ARSB: variants seen among roughly 807,000 people sequenced by gnomAD.
ARSB encodes the protein arylsulfatase B.
ARSB carries 41 observed loss-of-function variants against 50.9 expected under a neutral mutation model. The observed-to-expected ratio is 0.81, with a 90% CI of 0.63 to 1.04. The LOEUF (loss-of-function observed/expected upper bound fraction) is 1.04, where lower values mean the gene tolerates loss of function less well. ARSB is among the 50% of genes least tolerant of loss of function. The pLI is 0.00. For missense variants in ARSB, 672 were observed against 693.3 expected (o/e 0.97, Z 0.35); for synonymous variants, 269 against 284.8 (o/e 0.94, Z 0.56).
chr5:78,939,597 A>G (rs1750800576), intron 4 of ARSB, among the ~76,000 whole-genome samples: 1 of 152,162 alleles, frequency 6.6e-6, no homozygotes, highest in South Asian at 2.1e-4. Flanking sequence ...CCGTGTCCCT[A>G]TAAAGGACAT....
At chr5:78,867,224 G>A (rs1261095280) in intron 5 of ARSB, among the ~76,000 whole-genome samples, 16 of 152,304 alleles carry the variant, frequency 1.1e-4, no homozygotes, top group African/African-American at 2.4e-4. Context: ...ACTGCAAGGC[G>A]GCAGCGAGGC....
At chr5:78,858,032 A>G (rs1746239022) in intron 5 of ARSB, among the ~76,000 whole-genome samples, 1 of 152,170 alleles carries the variant, frequency 6.6e-6, no homozygotes, top group South Asian at 2.1e-4. Context: ...TGACTTACAC[A>G]ATCATGTGGT....
At chr5:78,825,543 A>C (rs1394192024) in intron 6 of ARSB, among the ~76,000 whole-genome samples, 1 of 152,206 alleles carries the variant, frequency 6.6e-6, no homozygotes, top group African/African-American at 2.4e-5. Flanking sequence ...ACAATTAGAA[A>C]TCAAGTACTA....
upstream of ARSB, chr5:78,985,812 T>C (rs59558132): frequency 0.17 from 25,306 of 152,034 alleles, 2,134 homozygotes; most frequent in South Asian, 0.21. Flanking sequence ...AAGGCAGAGG[T>C]CTAAATAGCC....
Position 78,841,136 on chromosome 5 carries a change from T to TACC in ARSB, c.1143-1711_1143-1710insGGT, listed in dbSNP as rs1465826317. On this transcript the variant is annotated intron_variant, in intron 5 of 7. Transcript: ENST00000264914. ...CAACATACTGAGACCTGGTCTGTAC[T>TACC]ACTACTACTACTACTACTACTACTA... Among the ~76,000 whole-genome samples the TACC allele has an allele frequency of 6.2e-5, 6 of 97,516 alleles. No individual in the cohort carries two copies. The South Asian group carries it at 1.4e-3, about 23-fold the overall frequency. The allele number at this position is 97,516 out of a possible 152,430, so 64.0% of individuals were successfully genotyped here.
chr5:78,822,316 A>C (rs1744263156), intron 6 of ARSB, among the ~76,000 whole-genome samples: 2 of 152,144 alleles, frequency 1.3e-5, no homozygotes, highest in Admixed American at 1.3e-4. Context: ...TTATCAAGAC[A>C]CTCTAGTTTA....
chr5:78,890,251 CTTT>C (rs55797488), intron 4 of ARSB, among the ~76,000 whole-genome samples: 24 of 134,886 alleles, frequency 1.8e-4, no homozygotes, highest in Admixed American at 2.3e-4. Context: ...CAAATCTTAT[CTTT>C]TTTTTTTTTT....
At chr5:78,841,148 T>C (rs1296649680) in intron 5 of ARSB, among the ~76,000 whole-genome samples, 1 of 122,294 alleles carries the variant, frequency 8.2e-6, no homozygotes, top group Non-Finnish European at 1.7e-5. Flanking sequence ...CTACTACTAC[T>C]ACTACTACTA....
At chr5:78,974,057 G>T (rs1752565022) in intron 1 of ARSB, among the ~76,000 whole-genome samples, 1 of 152,216 alleles carries the variant, frequency 6.6e-6, no homozygotes, top group Non-Finnish European at 1.5e-5. Flanking sequence ...GCCTCGGCCA[G>T]TACACAGCAG....
intron 4 of ARSB, among the ~76,000 whole-genome samples, chr5:78,887,919 T>C (rs1580003596): frequency 6.6e-6 from 1 of 152,200 alleles, no homozygotes; most frequent in East Asian, 1.9e-4. Flanking sequence ...AGGAAGTTAT[T>C]TCAAGGTAAT....
At chr5:78,834,714 G>C (rs1744870221) in intron 6 of ARSB, among the ~76,000 whole-genome samples, 1 of 146,852 alleles carries the variant, frequency 6.8e-6, no homozygotes, top group African/African-American at 2.5e-5. Flanking sequence ...TGGCTGTTCT[G>C]AGTAATGCTG....
chr5:78,842,045 CGTTAATA>C (rs555638684), intron 5 of ARSB, among the ~76,000 whole-genome samples: 18 of 151,948 alleles, frequency 1.2e-4, no homozygotes, highest in Non-Finnish European at 2.2e-4. Flanking sequence ...TGTGGATTTC[CGTTAATA>C]GTTAACACTT....
intron 5 of ARSB, among the ~76,000 whole-genome samples, chr5:78,870,198 G>A (rs1408702869): frequency 1.4e-5 from 2 of 147,790 alleles, no homozygotes; most frequent in African/African-American, 5.0e-5. Context: ...AAAGAGTCCA[G>A]GACCAGAAGG....
At chr5:78,977,119 T>C (rs2052550) in intron 1 of ARSB, among the ~76,000 whole-genome samples, 92,427 of 151,692 alleles carry the variant, frequency 0.61, 30,980 homozygotes, top group Non-Finnish European at 0.77. Flanking sequence ...TGTCATGCTA[T>C]TTAAATTCAC....
In ARSB at chr5:78,813,134, G is replaced by A. The variant is rs550220538; in HGVS notation, c.1213+26222C>T. On this transcript the variant is annotated intron_variant, in intron 6 of 7. Coordinates refer to ENST00000264914, the MANE Select transcript of ARSB (RefSeq NM_000046.5). The stretch of plus-strand genomic sequence containing the variant: ...GGCTGGAGTGCAGTGGTGCAATCTC[G>A]GCTCACTGCAACCTCTGCCTCCCGG... 1.5e-4 allele frequency among the ~76,000 whole-genome samples: 22 copies of A among 150,886 alleles called. 2 individuals carry two copies. The highest frequency in any genetic ancestry group is 2.9e-4 in the African/African-American group (12 of 41,034).
intron 4 of ARSB, among the ~76,000 whole-genome samples, chr5:78,912,005 T>A (rs1456939688): frequency 6.6e-6 from 1 of 152,216 alleles, no homozygotes; most frequent in African/African-American, 2.4e-5. Context: ...GAGATCTCAG[T>A]ACACAACAGT....
chr5:78,825,163 A>C (rs1410099508), intron 6 of ARSB, among the ~76,000 whole-genome samples: 1 of 152,228 alleles, frequency 6.6e-6, no homozygotes, highest in African/African-American at 2.4e-5. Flanking sequence ...CAGATACTGC[A>C]CAATGGAAGA....
chr5:78,937,292 T>C (rs539011717), intron 4 of ARSB, among the ~76,000 whole-genome samples: 2 of 140,192 alleles, frequency 1.4e-5, no homozygotes, highest in Admixed American at 7.4e-5. Flanking sequence ...AAGATATATA[T>C]ATGTAAGATA....
chr5:78,886,144 T>G (rs1030042437), intron 4 of ARSB, among the ~76,000 whole-genome samples: 2 of 152,126 alleles, frequency 1.3e-5, no homozygotes, highest in Non-Finnish European at 1.5e-5. Context: ...TAAATACACC[T>G]GTGTAACTTT....
Sources: allele counts gnomAD v4.1 joint callset (sites outside exome capture counted in the v4.1 genomes callset), GRCh38; gene constraint gnomAD v4.1.1; transcripts MANE v1.5; gene names NCBI Gene and HGNC (gene_info 2026-07-23, HGNC 2026-07-21).